Variants in ADGRB3 observed in about 807,000 individuals in gnomAD.
The protein encoded by ADGRB3 is brain-specific angiogenesis inhibitor 3.
ADGRB3 carries 37 observed loss-of-function variants against 193.4 expected under a neutral mutation model. The ratio of observed to expected loss-of-function variants is 0.19; its 90% CI spans 0.15 to 0.25. The LOEUF is 0.25. ADGRB3 is among the 10% of genes least tolerant of loss of function. ADGRB3 has a pLI of 1.00. For synonymous variants in ADGRB3, 690 were observed against 644.2 expected (o/e 1.07, Z -1.08); for missense variants, 1,637 against 1,852.9 (o/e 0.88, Z 2.14).
chr6:68,734,182 A>G (rs1032625533), intron 3 of ADGRB3, among the ~76,000 whole-genome samples: 16 of 152,146 alleles, frequency 1.1e-4, no homozygotes, highest in Admixed American at 9.2e-4. Context: ...ATATTTTCAT[A>G]CTATAAATAA....
intron 3 of ADGRB3, among the ~76,000 whole-genome samples, chr6:68,697,713 T>A (rs1381066556): frequency 1.3e-5 from 2 of 151,944 alleles, no homozygotes; most frequent in African/African-American, 4.8e-5. Flanking sequence ...CCACCTGTTA[T>A]TTAATCTTTA....
chr6:69,012,674 G>A (rs891489841), intron 11 of ADGRB3, among the ~76,000 whole-genome samples: 6 of 152,018 alleles, frequency 3.9e-5, no homozygotes, highest in Admixed American at 6.6e-5. Context: ...GACTCAAACC[G>A]TGTTTCAACC....
chr6:69,099,504 C>A (rs1272876703), intron 17 of ADGRB3, among the ~76,000 whole-genome samples: 1 of 152,174 alleles, frequency 6.6e-6, no homozygotes, highest in Non-Finnish European at 1.5e-5. Context: ...TGCATGAGTA[C>A]AAAGTTTCTT....
intron 3 of ADGRB3, among the ~76,000 whole-genome samples, chr6:68,816,058 A>C (rs1462988239): frequency 3.9e-5 from 6 of 152,058 alleles, no homozygotes; most frequent in Non-Finnish European, 8.8e-5. Flanking sequence ...AGATCAAATA[A>C]AATTAAATAC....
At chr6:69,386,177 T>C (rs1163595577) in intron 31 of ADGRB3, among the ~76,000 whole-genome samples, 1 of 152,078 alleles carries the variant, frequency 6.6e-6, no homozygotes, top group Non-Finnish European at 1.5e-5. Flanking sequence ...GTGACAATAA[T>C]AGCATTTGAA....
chr6:69,093,509 T>G (rs1772775291), intron 17 of ADGRB3, among the ~76,000 whole-genome samples: 1 of 150,832 alleles, frequency 6.6e-6, no homozygotes, highest in South Asian at 2.1e-4. Context: ...ATAGAGTGGT[T>G]GGGCAGCCTA....
At chr6:69,030,987 T>G (rs1770636150) in intron 13 of ADGRB3, among the ~76,000 whole-genome samples, 1 of 126,390 alleles carries the variant, frequency 7.9e-6, no homozygotes, top group Non-Finnish European at 1.6e-5. Context: ...TTTTCTTTTC[T>G]TTTCTTTCTT....
intron 3 of ADGRB3, among the ~76,000 whole-genome samples, chr6:68,903,973 T>G (rs1582301234): frequency 7.6e-5 from 9 of 118,222 alleles, no homozygotes; most frequent in Admixed American, 2.1e-4. Context: ...TCAAGCCAGG[T>G]GAGAAAGCAA....
intron 17 of ADGRB3, among the ~76,000 whole-genome samples, chr6:69,100,277 G>A (rs1320394164): frequency 6.6e-6 from 1 of 151,648 alleles, no homozygotes; most frequent in Non-Finnish European, 1.5e-5. Flanking sequence ...CTTACTTTTT[G>A]GTTTTGACTT....
intron 3 of ADGRB3, among the ~76,000 whole-genome samples, chr6:68,884,645 CT>C (rs1765853697): frequency 1.3e-5 from 2 of 152,006 alleles, no homozygotes; most frequent in South Asian, 4.2e-4. Context: ...AGAGTAGGGG[CT>C]TTTATCCTAG....
At chr6:69,179,015 C>T (rs1054507090) in intron 17 of ADGRB3, among the ~76,000 whole-genome samples, 10 of 152,118 alleles carry the variant, frequency 6.6e-5, no homozygotes, top group Non-Finnish European at 1.2e-4. Flanking sequence ...AGGAAATCTT[C>T]TTGAATTGTT....
At chr6:69,200,233 G>A (rs1765391252) in intron 17 of ADGRB3, among the ~76,000 whole-genome samples, 2 of 151,810 alleles carry the variant, frequency 1.3e-5, no homozygotes. Flanking sequence ...AAGCTGAAGG[G>A]TTACAGGGTT....
chr6:69,281,499 A>G (rs908689147), intron 20 of ADGRB3, among the ~76,000 whole-genome samples: 1 of 152,204 alleles, frequency 6.6e-6, no homozygotes, highest in Non-Finnish European at 1.5e-5. Flanking sequence ...GAGCCATATT[A>G]CAGAGCAGTT....
At chr6:69,017,202 G>A (rs1770117979) in intron 12 of ADGRB3, among the ~76,000 whole-genome samples, 3 of 151,752 alleles carry the variant, frequency 2.0e-5, no homozygotes, top group East Asian at 1.9e-4. Flanking sequence ...ATTTTTAGAC[G>A]GGCACAACCG....
intron 20 of ADGRB3, among the ~76,000 whole-genome samples, chr6:69,263,876 C>T (rs923251995): frequency 1.7e-4 from 26 of 151,992 alleles, no homozygotes; most frequent in African/African-American, 6.3e-4. Context: ...TGATTAGCAG[C>T]AGAGCCGAGC....
intron 3 of ADGRB3, among the ~76,000 whole-genome samples, chr6:68,890,576 T>G (rs923606900): frequency 1.3e-5 from 2 of 152,210 alleles, no homozygotes; most frequent in African/African-American, 4.8e-5. Context: ...TAAACACATA[T>G]GCCAATTGTT....
chr6:68,832,484 A>C (rs1767974614), intron 3 of ADGRB3, among the ~76,000 whole-genome samples: 1 of 152,194 alleles, frequency 6.6e-6, no homozygotes, highest in African/African-American at 2.4e-5. Context: ...CTAGACCCAA[A>C]GTCTAAAATT....
At position 69,339,105 on chromosome 6, in the gene ADGRB3, T is replaced by A; in HGVS notation, c.3287+91T>A. On this transcript the variant is annotated intron_variant, in intron 25 of 31. Coordinates refer to ENST00000370598, the MANE Select transcript of ADGRB3 (RefSeq NM_001704.3). ...GATGAAAAAAAATTGTGTTTTCTAA[T>A]ACAAGACCAGAGAGTATATTTAAAT... 4.4e-6 allele frequency: 6 copies of A among 1,371,066 alleles called. No homozygotes were observed. In the South Asian group the frequency reaches 6.0e-5, roughly 14 times the overall value. The allele number at this position is 1,371,066 out of a possible 1,614,324, so 84.9% of individuals were successfully genotyped here.
At chr6:69,256,120 T>C (rs1766764135) in intron 20 of ADGRB3, among the ~76,000 whole-genome samples, 1 of 151,564 alleles carries the variant, frequency 6.6e-6, no homozygotes, top group Non-Finnish European at 1.5e-5. Context: ...GTAGTATAGT[T>C]TGAAGTCAGG....
Sources: allele counts gnomAD v4.1 joint callset (sites outside exome capture counted in the v4.1 genomes callset), GRCh38; gene constraint gnomAD v4.1.1; transcripts MANE v1.5; gene names NCBI Gene and HGNC (gene_info 2026-07-23, HGNC 2026-07-21).